The following YLPM1 variants were observed in gnomAD, a reference collection of about 807,000 sequenced individuals.
YLPM1 encodes the protein YLP motif-containing protein 1.
YLPM1 carries 99 observed loss-of-function variants against 230.0 expected under a neutral mutation model. The ratio of observed to expected loss-of-function variants is 0.43; its 90% CI spans 0.37 to 0.51. YLPM1 has a LOEUF of 0.51. Among genes scored for constraint, YLPM1 ranks in the 20% least tolerant of loss-of-function variants. The pLI, the probability that YLPM1 is intolerant of heterozygous loss-of-function variation, is 0.00. For missense variants in YLPM1, 2,592 were observed against 2,707.7 expected (o/e 0.96, Z 0.95); for synonymous variants, 984 against 942.5 (o/e 1.04, Z -0.81).
chr14:74,818,365 CT>C (rs2140135116), intron 16 of YLPM1, 51 bp downstream of exon 16: 6 of 1,475,218 alleles, frequency 4.1e-6, no homozygotes, highest in East Asian at 2.5e-5. Context: ...ACTTTTTCAC[CT>C]TTTTACTTTG....
chr14:74,805,643 A>G (rs1378260801), intron 6 of YLPM1, among the ~76,000 whole-genome samples: 1 of 150,880 alleles, frequency 6.6e-6, no homozygotes, highest in Non-Finnish European at 1.5e-5. Flanking sequence ...GAGCCCCTGC[A>G]CCCAGCCAAC....
intron 17 of YLPM1, 84 bp from the exon 18 acceptor site, chr14:74,824,172 T>A (rs1260284913): frequency 7.3e-7 from 1 of 1,369,776 alleles, no homozygotes; most frequent in African/African-American, 1.4e-5. Flanking sequence ...CCATTCCCAG[T>A]TTTAATGCTT....
chr14:74,783,173 T>TCC (rs765735027), intron 4 of YLPM1, among the ~76,000 whole-genome samples: 7 of 152,134 alleles, frequency 4.6e-5, no homozygotes, highest in Admixed American at 2.0e-4. Context: ...CAAGCAGTCC[T>TCC]CCCACCTCAG....
At chr14:74,818,730 T>C (rs2091498366) in intron 16 of YLPM1, among the ~76,000 whole-genome samples, 1 of 152,188 alleles carries the variant, frequency 6.6e-6, no homozygotes, top group Non-Finnish European at 1.5e-5. Flanking sequence ...ATCTCACATA[T>C]AGTTTATATT....
chr14:74,771,468 T>C (rs1163701749), intron 1 of YLPM1, among the ~76,000 whole-genome samples: 4 of 152,184 alleles, frequency 2.6e-5, no homozygotes, highest in Non-Finnish European at 4.4e-5. Flanking sequence ...GTAATTGCAG[T>C]TTTTGCTATT....
At chr14:74,830,243 A>G (rs2091597941) in intron 19 of YLPM1, among the ~76,000 whole-genome samples, 3 of 152,182 alleles carry the variant, frequency 2.0e-5, no homozygotes, top group African/African-American at 7.2e-5. Flanking sequence ...AATGAATAAG[A>G]AATGATGAAG....
intron 18 of YLPM1, among the ~76,000 whole-genome samples, chr14:74,828,328 G>C (rs777756268): frequency 3.9e-5 from 6 of 152,130 alleles, no homozygotes; most frequent in Non-Finnish European, 7.3e-5. Flanking sequence ...TGATTCAAAA[G>C]TTTAGTGCTT....
chr14:74,785,727 A>G (rs11846375), intron 4 of YLPM1, among the ~76,000 whole-genome samples: 90 of 152,350 alleles, frequency 5.9e-4, no homozygotes, highest in African/African-American at 2.1e-3. Context: ...TACTGATAAC[A>G]TGCTGTTACA....
At chr14:74,792,600 A>G (rs772413845) in intron 4 of YLPM1, among the ~76,000 whole-genome samples, 5 of 152,246 alleles carry the variant, frequency 3.3e-5, no homozygotes, top group East Asian at 1.9e-4. Context: ...TCCTCTTTCA[A>G]TTATTTAGCT....
intron 8 of YLPM1, 88 bp downstream of exon 8, chr14:74,810,090 C>T: frequency 1.4e-6 from 2 of 1,454,998 alleles, no homozygotes; most frequent in Non-Finnish European, 1.8e-6. Flanking sequence ...ATCTGAGCCT[C>T]CATTTAATAC....
In YLPM1 at chr14:74,764,009, T is replaced by TC; in HGVS notation, c.520_521insC (p.Tyr174SerfsTer68). The TC allele has an allele frequency of 6.3e-7, 1 of 1,582,646 alleles. No homozygotes were observed. Among genetic ancestry groups the TC allele is most frequent in the Non-Finnish European group, 8.6e-7 (1 of 1,167,422 alleles). ...GCCCCCACCTCAGCCGCCACCCTCT[T>TC]ACTACCCCCCGACCTCATCTCAGCC... On this transcript the variant is annotated frameshift_variant, in exon 1 of 21. Transcript: ENST00000325680. LOFTEE classifies it high-confidence loss of function.
Position 74,832,589 on chromosome 14 carries a change from C to T in YLPM1, c.6295-2676C>T, listed in dbSNP as rs566978791. ...GGTTCAAGCCATTCTCATGCCTCAG[C>T]CTCCTGAGTAGCTGGGATTACAGGC... On this transcript the variant is annotated intron_variant, in intron 19 of 20. Coordinates refer to ENST00000325680, the MANE Select transcript of YLPM1 (RefSeq NM_019589.3). Among the ~76,000 whole-genome samples the T allele has an allele frequency of 3.6e-4, 55 of 152,232 alleles. 1 individual carries two copies. The South Asian group carries it at 0.01, about 29-fold the overall frequency.
intron 3 of YLPM1, 51 bp downstream of exon 3, chr14:74,780,635 G>T (rs748923597): frequency 3.1e-5 from 46 of 1,506,246 alleles, no homozygotes; most frequent in Non-Finnish European, 4.1e-5. Context: ...ACATTGAAAG[G>T]ATTTGTTATT....
Position 74,837,155 on chromosome 14 carries a change from T to G in YLPM1, c.*1417T>G, listed in dbSNP as rs2091647886. On this transcript the variant is annotated 3_prime_UTR_variant, in exon 21 of 21. Transcript: ENST00000325680. ...CACTTTGGGTTCAACAAATTGATAT[T>G]ATAGTACTGAATACCCCTAATTTAA... is the stretch of plus-strand genomic sequence containing the variant. The G allele has an allele frequency of 6.6e-6, 1 of 152,228 alleles. No homozygotes were observed. The highest frequency in any genetic ancestry group is 2.1e-4 in the South Asian group (1 of 4,836). The allele number at this position is 152,228 out of a possible 1,614,324, so 9.4% of individuals were successfully genotyped here.
chr14:74,765,565 T>C (rs1170816024), intron 1 of YLPM1, among the ~76,000 whole-genome samples: 32 of 152,200 alleles, frequency 2.1e-4, no homozygotes, highest in Admixed American at 2.1e-3. Context: ...TGCTCTATTA[T>C]AGAGACAGAC....
rs2091277654 is a variant in YLPM1, at chr14:74,797,665, C to T, written c.2368C>T (p.Pro790Ser). 1.3e-6 allele frequency: 2 copies of T among 1,598,516 alleles called. No individual in the cohort carries two copies. The change falls in exon 5 of 21, where the codon CCC becomes TCC. Residue 790 changes from proline (P) to serine (S), a missense_variant. By Grantham distance (74) the Pro-to-Ser change is moderately conservative. Coordinates refer to ENST00000325680, the MANE Select transcript of YLPM1 (RefSeq NM_019589.3). The stretch of plus-strand genomic sequence containing the variant: ...AGGGCCTCGTTTTGAAGGAAATCGC[C>T]CCGATGGGCCAAGACCCAGATATGA... ...PKGPRFEGNRPDGPRPRYEGH... is the reference protein window; with the variant it reads ...PKGPRFEGNRSDGPRPRYEGH...
chr14:74,782,081 G>C lies in YLPM1; in HGVS notation c.2038G>C (p.Ala680Pro). 4.3e-6 allele frequency: 7 copies of C among 1,613,912 alleles called. No homozygotes were observed. Among genetic ancestry groups the C allele is most frequent in the Non-Finnish European group, 5.9e-6 (7 of 1,179,878 alleles). ...TCCTACTCCTGTGTCTTTTGGTTCT[G>C]CCCCACCGACAACTTACCATCCTCC... ...LLPTPVSFGS[A>P]PPTTYHPPLQ... Residue 680 changes from alanine (A) to proline (P), a missense_variant, in exon 4 of 21, where the codon GCC (alanine) becomes CCC (proline). Ala to Pro is a conservative substitution (Grantham distance 27). Coordinates refer to ENST00000325680, the MANE Select transcript of YLPM1 (RefSeq NM_019589.3).
intron 4 of YLPM1, among the ~76,000 whole-genome samples, chr14:74,796,325 A>C (rs1403436159): frequency 6.6e-6 from 1 of 152,148 alleles, no homozygotes; most frequent in Non-Finnish European, 1.5e-5. Context: ...AACTATTTGC[A>C]CTTCCAAACA....
intron 6 of YLPM1, 125 bp downstream of exon 6, chr14:74,802,801 T>G: frequency 8.0e-7 from 1 of 1,248,696 alleles, no homozygotes; most frequent in Non-Finnish European, 1.1e-6. Flanking sequence ...TTTTGGAAAC[T>G]TAAAAGTTTA....
Sources: allele counts gnomAD v4.1 joint callset (sites outside exome capture counted in the v4.1 genomes callset), GRCh38; gene constraint gnomAD v4.1.1; transcripts MANE v1.5; gene names NCBI Gene and HGNC (gene_info 2026-07-23, HGNC 2026-07-21).